The following CACNB4 variants were observed in gnomAD, a reference collection of about 807,000 sequenced individuals.
CACNB4 encodes the protein calcium voltage-gated channel auxiliary subunit beta 4, also known as voltage-dependent L-type calcium channel subunit beta-4.
In CACNB4, 32 loss-of-function variants were observed where a neutral mutation model predicts 71.2. That is an observed-to-expected ratio of 0.45 (90% CI 0.34 to 0.60). The LOEUF (loss-of-function observed/expected upper bound fraction) is 0.60. Among genes scored for constraint, CACNB4 ranks in the 20% least tolerant of loss-of-function variants. The pLI is 0.01. For missense variants in CACNB4, 464 were observed against 647.9 expected (o/e 0.72, Z 3.08); for synonymous variants, 231 against 236.9 (o/e 0.97, Z 0.23).
At chr2:151,890,019 TTTTTG>T (rs1335393264) in intron 2 of CACNB4, among the ~76,000 whole-genome samples, 2 of 152,298 alleles carry the variant, frequency 1.3e-5, no homozygotes, top group East Asian at 3.9e-4. Context: ...CTCATGAGTT[TTTTTG>T]TTTTGTTTTG....
In CACNB4 at chr2:151,880,895, T is replaced by A; in HGVS notation, c.295A>T (p.Thr99Ser). 6.2e-7 allele frequency: 1 copy of A among 1,613,290 alleles called. No individual in the cohort carries two copies. Among genetic ancestry groups the A allele is most frequent in the Non-Finnish European group, 8.5e-7 (1 of 1,179,532 alleles). ...KSKPVAFAVK[T>S]NVSYCGALDE... ...AGGGCGCCGCAGTAGCTCACATTTG[T>A]CTTCACGGCAAATGCTACAGGTTTG... The change falls in exon 4 of 14, where the codon ACA becomes TCA. Residue 99 changes from threonine (T) to serine (S), a missense_variant. Physicochemically the swap from Thr to Ser is moderately conservative, Grantham distance 58. Transcript: ENST00000539935.
chr2:152,029,196 G>T (rs1237511419), intron 2 of CACNB4, among the ~76,000 whole-genome samples: 2 of 152,134 alleles, frequency 1.3e-5, no homozygotes, highest in African/African-American at 4.8e-5. Context: ...GTTCTTATAA[G>T]AAAAGAAAGA....
intron 2 of CACNB4, among the ~76,000 whole-genome samples, chr2:151,948,969 C>G (rs747871566): frequency 3.3e-5 from 5 of 151,932 alleles, no homozygotes; most frequent in Non-Finnish European, 7.4e-5. Context: ...GTATCTACTT[C>G]CTGTCTTTCC....
At chr2:151,845,898 G>C (rs75514932) in intron 12 of CACNB4, among the ~76,000 whole-genome samples, 2 of 152,246 alleles carry the variant, frequency 1.3e-5, no homozygotes, top group East Asian at 3.9e-4. Context: ...CCCCTTTCTG[G>C]ATAAGCTCCT....
chr2:151,943,982 T>A (rs916476141), intron 2 of CACNB4, among the ~76,000 whole-genome samples: 9 of 152,168 alleles, frequency 5.9e-5, no homozygotes, highest in Admixed American at 5.2e-4. Context: ...TGAATGATGG[T>A]TTGTGTGGAA....
At chr2:151,859,092 C>T (rs1293794037) in intron 10 of CACNB4, 1 of 152,154 alleles carries the variant, frequency 6.6e-6, no homozygotes, top group African/African-American at 2.4e-5. Flanking sequence ...TTAACAAGCA[C>T]ACAAATGGAT....
intron 2 of CACNB4, among the ~76,000 whole-genome samples, chr2:151,935,790 A>G (rs760680209): frequency 2.0e-5 from 3 of 152,252 alleles, no homozygotes; most frequent in Non-Finnish European, 2.9e-5. Context: ...AGGCTATTAG[A>G]TATTCTTCAA....
At chr2:151,882,163 G>A (rs2099848053) in intron 3 of CACNB4, among the ~76,000 whole-genome samples, 1 of 112,196 alleles carries the variant, frequency 8.9e-6, no homozygotes, top group Non-Finnish European at 2.0e-5. Context: ...ACAGGCGTAA[G>A]CCACTGCACC....
chr2:151,915,819 C>T (rs2099857337), intron 2 of CACNB4, among the ~76,000 whole-genome samples: 1 of 133,600 alleles, frequency 7.5e-6, no homozygotes, highest in East Asian at 2.1e-4. Context: ...AGCACTCCAG[C>T]TTGGGCAACA....
chr2:152,076,786 C>T (rs555583154), intron 2 of CACNB4, among the ~76,000 whole-genome samples: 4 of 152,298 alleles, frequency 2.6e-5, no homozygotes, highest in South Asian at 2.1e-4. Context: ...ACTTATATGG[C>T]GTTCCTGATG....
At chr2:151,922,871 T>C (rs1335818955) in intron 2 of CACNB4, among the ~76,000 whole-genome samples, 1 of 152,248 alleles carries the variant, frequency 6.6e-6, no homozygotes, top group Non-Finnish European at 1.5e-5. Flanking sequence ...AAAGATCAAA[T>C]GTAGTCAATA....
intron 12 of CACNB4, among the ~76,000 whole-genome samples, chr2:151,848,939 C>A (rs2099838313): frequency 6.6e-6 from 1 of 151,602 alleles, no homozygotes; most frequent in African/African-American, 2.4e-5. Flanking sequence ...TTGGTAGAAG[C>A]AAAAAGAAAT....
chr2:151,990,632 T>G (rs1681654670), intron 2 of CACNB4, among the ~76,000 whole-genome samples: 1 of 152,172 alleles, frequency 6.6e-6, no homozygotes, highest in South Asian at 2.1e-4. Context: ...TTCTGCAAAT[T>G]CTGGGATTAA....
chr2:152,053,076 C>T (rs1400330001), intron 2 of CACNB4, among the ~76,000 whole-genome samples: 1 of 152,028 alleles, frequency 6.6e-6, no homozygotes, highest in African/African-American at 2.4e-5. Flanking sequence ...TCCTAAAGCC[C>T]TTGGAATCTC....
intron 2 of CACNB4, among the ~76,000 whole-genome samples, chr2:151,886,688 G>GT (rs2099849453): frequency 6.6e-6 from 1 of 151,602 alleles, no homozygotes; most frequent in East Asian, 1.9e-4. Flanking sequence ...CTTTGTTGTT[G>GT]TTTTTTTAAT....
At chr2:151,952,228 C>A (rs2099867081) in intron 2 of CACNB4, among the ~76,000 whole-genome samples, 1 of 152,114 alleles carries the variant, frequency 6.6e-6, no homozygotes, top group Non-Finnish European at 1.5e-5. Flanking sequence ...CACGTCCTAC[C>A]TACGAGATGT....
At chr2:151,859,531 G>C (rs941670917) in intron 10 of CACNB4, 1 of 152,156 alleles carries the variant, frequency 6.6e-6, no homozygotes, top group African/African-American at 2.4e-5. Context: ...TTTAACTTTA[G>C]TCATTACCTA....
intron 2 of CACNB4, among the ~76,000 whole-genome samples, chr2:151,954,480 T>C (rs1343798675): frequency 6.6e-6 from 1 of 152,260 alleles, no homozygotes; most frequent in Non-Finnish European, 1.5e-5. Context: ...TTGTTCTGTT[T>C]CAAATTATTG....
intron 2 of CACNB4, among the ~76,000 whole-genome samples, chr2:151,924,271 G>C (rs1046946733): frequency 2.0e-5 from 3 of 150,770 alleles, no homozygotes; most frequent in Admixed American, 1.3e-4. Context: ...GTAGAGATGG[G>C]GTTTCACCGT....
Sources: allele counts gnomAD v4.1 joint callset (sites outside exome capture counted in the v4.1 genomes callset), GRCh38; gene constraint gnomAD v4.1.1; transcripts MANE v1.5; gene names NCBI Gene and HGNC (gene_info 2026-07-23, HGNC 2026-07-21).